CA10: variants seen among roughly 807,000 people sequenced by gnomAD.
CA10 encodes the protein carbonic anhydrase-related protein 10.
CA10 carries 14 observed loss-of-function variants against 44.2 expected under a neutral mutation model. The observed-to-expected ratio is 0.32, with a 90% CI of 0.21 to 0.50. CA10 has a LOEUF of 0.50. CA10 is among the 20% of genes least tolerant of loss of function. CA10 has a pLI of 0.99. For synonymous variants in CA10, 159 were observed against 141.6 expected, an observed-to-expected ratio of 1.12 and a Z score of -0.87; for missense variants, 350 against 409.7, an observed-to-expected ratio of 0.85 and a Z score of 1.26.
At chr17:51,893,183 A>T (rs542685319) in intron 3 of CA10, among the ~76,000 whole-genome samples, 1 of 152,316 alleles carries the variant, frequency 6.6e-6, no homozygotes, top group East Asian at 1.9e-4. Flanking sequence ...CTAACGAAAA[A>T]ATAAAAATAA....
chr17:51,959,317 TGTGTGTG>T, intron 2 of CA10, among the ~76,000 whole-genome samples: 1 of 148,032 alleles, frequency 6.8e-6, no homozygotes, highest in South Asian at 2.2e-4. Flanking sequence ...TGTGTGTGTG[TGTGTGTG>T]TGAATCGTCA....
At chr17:51,889,454 G>A (rs1477507932) in intron 3 of CA10, among the ~76,000 whole-genome samples, 2 of 152,160 alleles carry the variant, frequency 1.3e-5, no homozygotes, top group African/African-American at 4.8e-5. Context: ...AACCTGGGAG[G>A]TCGAGGCTGC....
At chr17:52,141,990 G>C (rs2143386166) in intron 1 of CA10, among the ~76,000 whole-genome samples, 1 of 152,292 alleles carries the variant, frequency 6.6e-6, no homozygotes, top group South Asian at 2.1e-4. Context: ...GGCATTATGG[G>C]GAGATACTGC....
chr17:51,731,653 T>TG (rs1555592614), intron 4 of CA10, among the ~76,000 whole-genome samples: 3 of 109,190 alleles, frequency 2.7e-5, no homozygotes, highest in African/African-American at 3.4e-5. Flanking sequence ...AAGGGGCTGG[T>TG]AAAAAAAAAA....
Position 52,027,142 on chromosome 17 carries a change from A to C in CA10, c.136+45177T>G, listed in dbSNP as rs1233927341. Among the ~76,000 whole-genome samples, 19 of 152,180 alleles carry C rather than the reference A, an allele frequency of 1.2e-4. No homozygotes were observed. The South Asian group carries it at 3.9e-3, about 32-fold the overall frequency. On this transcript the variant is annotated intron_variant, in intron 2 of 8. Transcript: ENST00000451037. ...CATCAGGCATTAGATTATCATAAGG[A>C]GCATGCAACCTAGATCCCTCACATG... is the stretch of plus-strand genomic sequence containing the variant.
At chr17:52,122,804 G>C (rs962490146) in intron 1 of CA10, among the ~76,000 whole-genome samples, 2 of 152,180 alleles carry the variant, frequency 1.3e-5, no homozygotes, top group Admixed American at 6.5e-5. Context: ...TAATTGGAAA[G>C]TCACAAATTT....
intron 2 of CA10, among the ~76,000 whole-genome samples, chr17:51,997,692 T>TTG (rs764746822): frequency 1.3e-5 from 2 of 152,040 alleles, no homozygotes; most frequent in Non-Finnish European, 2.9e-5. Flanking sequence ...ATGTTGATTT[T>TTG]TGTGTGTGTG....
At chr17:51,957,140 T>C (rs891053662) in intron 2 of CA10, among the ~76,000 whole-genome samples, 1 of 152,212 alleles carries the variant, frequency 6.6e-6, no homozygotes, top group African/African-American at 2.4e-5. Flanking sequence ...TAGAGGGTAA[T>C]AGATGAGCTC....
intron 1 of CA10, among the ~76,000 whole-genome samples, chr17:52,156,443 G>A (rs1167999766): frequency 6.6e-6 from 1 of 152,136 alleles, no homozygotes; most frequent in African/African-American, 2.4e-5. Flanking sequence ...TTCTTAATAG[G>A]GTAGCCAAGC....
chr17:51,756,099 A>T (rs948429667), intron 3 of CA10, among the ~76,000 whole-genome samples: 2 of 151,988 alleles, frequency 1.3e-5, no homozygotes, highest in African/African-American at 4.8e-5. Flanking sequence ...AATGAGCTTG[A>T]ATCAACAGAT....
At chr17:51,667,446 TGTG>T (rs1019817522) in intron 4 of CA10, among the ~76,000 whole-genome samples, 3 of 152,032 alleles carry the variant, frequency 2.0e-5, no homozygotes, top group African/African-American at 7.2e-5. Context: ...AAACAGCCCT[TGTG>T]GTATATATGT....
At chr17:51,990,601 T>C (rs203032) in intron 2 of CA10, among the ~76,000 whole-genome samples, 81,370 of 151,942 alleles carry the variant, frequency 0.54, 23,103 homozygotes, top group African/African-American at 0.72. Context: ...AATTTTATTG[T>C]ACATCAATTA....
chr17:52,061,673 C>T (rs1209956451), intron 2 of CA10, among the ~76,000 whole-genome samples: 1 of 152,150 alleles, frequency 6.6e-6, no homozygotes, highest in Non-Finnish European at 1.5e-5. Context: ...TGGTTCCTCT[C>T]TTGCTGGCTT....
intron 3 of CA10, among the ~76,000 whole-genome samples, chr17:51,772,701 G>T (rs183586158): frequency 2.6e-4 from 40 of 151,954 alleles, no homozygotes; most frequent in Admixed American, 2.4e-3. Flanking sequence ...AGCTAACACA[G>T]TTATGTAACT....
At chr17:51,651,487 G>A (rs1913561780) in intron 5 of CA10, among the ~76,000 whole-genome samples, 2 of 152,226 alleles carry the variant, frequency 1.3e-5, no homozygotes, top group Admixed American at 1.3e-4. Context: ...TTCATCCCTA[G>A]GAGCTAAACT....
chr17:51,800,170 G>A (rs151011245), intron 3 of CA10, among the ~76,000 whole-genome samples: 167 of 152,284 alleles, frequency 1.1e-3, no homozygotes, highest in Non-Finnish European at 2.1e-3. Flanking sequence ...TTCAGACACA[G>A]AAAGGAATGA....
chr17:52,138,453 A>G (rs565860632), intron 1 of CA10, among the ~76,000 whole-genome samples: 3 of 152,326 alleles, frequency 2.0e-5, no homozygotes, highest in African/African-American at 7.2e-5. Context: ...CCAACTCACT[A>G]TATTTGGAGT....
rs1029625137 is a variant in CA10, at chr17:52,026,066, AAC to A, written c.136+46251_136+46252del. On this transcript the variant is annotated intron_variant, in intron 2 of 8. Transcript: ENST00000451037. Reference sequence around the variant, plus strand: ...ATATCTTTTAAATTGAGAGAAGAATAACAGTTTTCCCCTAATCTGGCTGAGGT... The same window carrying A: ...ATATCTTTTAAATTGAGAGAAGAATAAGTTTTCCCCTAATCTGGCTGAGGT... 3.1e-4 allele frequency among the ~76,000 whole-genome samples: 47 copies of A among 152,144 alleles called. 2 individuals carry two copies. The highest frequency in any genetic ancestry group is 2.0e-3 in the Admixed American group (30 of 15,254).
At chr17:51,792,684 A>G (rs1206165728) in intron 3 of CA10, among the ~76,000 whole-genome samples, 1 of 152,260 alleles carries the variant, frequency 6.6e-6, no homozygotes, top group African/African-American at 2.4e-5. Flanking sequence ...ACCAAGATCA[A>G]CACAACCAGT....
Sources: gnomAD v4.1 joint callset for allele counts (sites outside exome capture counted in the v4.1 genomes callset) on GRCh38, gnomAD v4.1.1 for gene constraint, MANE v1.5 for transcripts, NCBI Gene and HGNC (gene_info 2026-07-23, HGNC 2026-07-21) for gene names.